Variants in ELP1 observed in about 807,000 individuals in gnomAD.
The protein encoded by ELP1 is elongator complex protein 1.
ELP1 carries 131 observed loss-of-function variants against 183.2 expected under a neutral mutation model. That is an observed-to-expected ratio of 0.72 (90% confidence interval 0.62 to 0.83). ELP1 has a LOEUF of 0.83. ELP1 is among the 40% of genes least tolerant of loss of function. ELP1 has a pLI of 0.00. For missense variants in ELP1, 1,550 were observed against 1,594.9 expected (o/e 0.97, Z 0.48); for synonymous variants, 555 against 569.0 (o/e 0.98, Z 0.35).
chr9:108,894,039 T>A lies in ELP1; in HGVS notation c.2764A>T (p.Asn922Tyr). Residue 922 changes from asparagine (N) to tyrosine (Y), a missense_variant, in exon 26 of 37, where the codon AAT becomes TAT. Physicochemically the swap from Asn to Tyr is moderately radical, Grantham distance 143. Coordinates refer to ENST00000374647, the MANE Select transcript of ELP1 (RefSeq NM_003640.5). ...KDPKEYLPFL[N>Y]TLKKMETNYQ... is the part of the protein sequence containing the mutation. ...TTAGTTTCCATTTTCTTAAGTGTATTAAGAAATGGAAGATATTCTTTGGGA... is the reference window on the plus strand; with the variant it reads ...TTAGTTTCCATTTTCTTAAGTGTATAAAGAAATGGAAGATATTCTTTGGGA... 6.5e-7 allele frequency: 1 copy of A among 1,536,008 alleles called. No homozygotes were observed. The highest frequency in any genetic ancestry group is 9.0e-7 in the Non-Finnish European group (1 of 1,110,118).
At chr9:108,875,908 T>C (rs1827689414) in intron 35 of ELP1, among the ~76,000 whole-genome samples, 3 of 151,730 alleles carry the variant, frequency 2.0e-5, no homozygotes, top group African/African-American at 7.3e-5. Context: ...AAGAAAAAAA[T>C]AAAATAAAAT....
At position 108,893,950 on chromosome 9, in the gene ELP1, G is replaced by A. The variant is rs1828440943; in HGVS notation, c.2853C>T (p.Ser951=). 7 of 1,613,788 alleles carry A rather than the reference G, an allele frequency of 4.3e-6. No homozygotes were observed. Among genetic ancestry groups the A allele is most frequent in the Non-Finnish European group, 5.9e-6 (7 of 1,179,818 alleles). ...KRYEKAIGHL[S]KCGPEYFPEC... ...ACTAATCCCCACACTTACCACATTT[G>A]CTGAGGTGGCCAATGGCTTTTTCAT... The change falls in exon 26 of 37, where the codon AGC becomes AGT. Residue 951 remains serine, a synonymous_variant. Coordinates refer to ENST00000374647, the MANE Select transcript of ELP1 (RefSeq NM_003640.5).
At chr9:108,916,982 G>C (rs1564100425) in intron 9 of ELP1, among the ~76,000 whole-genome samples, 1 of 152,058 alleles carries the variant, frequency 6.6e-6, no homozygotes, top group South Asian at 2.1e-4. Context: ...TTATGCTTTT[G>C]TCAAAATAAA....
chr9:108,920,931 C>T (rs181534662), intron 6 of ELP1, among the ~76,000 whole-genome samples: 1 of 152,066 alleles, frequency 6.6e-6, no homozygotes, highest in Admixed American at 6.5e-5. Context: ...AAGTCTTACT[C>T]TAGCAGGTAC....
intron 24 of ELP1, 42 bp from the exon 25 acceptor site, chr9:108,896,686 G>C (rs767897765): frequency 1.3e-6 from 2 of 1,597,828 alleles, no homozygotes; most frequent in Non-Finnish European, 1.7e-6. Flanking sequence ...AATCATTTGG[G>C]GAAAAAATCC....
rs754334947 is a variant in ELP1 at position 108,906,519 on chromosome 9, A to C, written c.1461-34T>G. The C allele has an allele frequency of 7.6e-6, 12 of 1,584,414 alleles. No individual in the cohort carries two copies. In the East Asian group the frequency reaches 2.7e-4, roughly 35 times the overall value. ...AATATTGAAGAATATCCAAGACATG[A>C]ATAAAACTTAAAAACCACTGAGACG... On this transcript the variant is annotated intron_variant, in intron 13 of 36. Transcript: ENST00000374647.
intron 11 of ELP1, among the ~76,000 whole-genome samples, chr9:108,911,719 GACTACTTC>G (rs36224244): frequency 0.57 from 86,349 of 151,232 alleles, 24,861 homozygotes; most frequent in South Asian, 0.7. Flanking sequence ...TCATTAAGGT[GACTACTTC>G]ACTCTTCAGT....
intron 3 of ELP1, among the ~76,000 whole-genome samples, chr9:108,929,115 A>T (rs1482663627): frequency 6.6e-6 from 1 of 152,278 alleles, no homozygotes; most frequent in Non-Finnish European, 1.5e-5. Flanking sequence ...TACTATTAGT[A>T]ATACTCTAAC....
rs202165319 is a variant in ELP1, at chr9:108,879,557, T to C, written c.3461A>G (p.Asp1154Gly). The change falls in exon 33 of 37, where the codon GAT (aspartate) becomes GGT (glycine). Residue 1154 changes from aspartate (D) to glycine (G), a missense_variant and splice_region_variant. Asp to Gly is a moderately conservative substitution (Grantham distance 94). Transcript: ENST00000374647. ...CTCTTGCCCGTGGGGTACCTCATCA[T>C]CTAGAAAAGAAGAACCAGAAGCCGA... ...LKEQAQQAGLDDEVPHGQESD... is the reference protein window; with the variant it reads ...LKEQAQQAGLGDEVPHGQESD... The C allele has an allele frequency of 4.7e-5, 76 of 1,609,824 alleles. 1 individual carries two copies. The highest frequency in any genetic ancestry group is 6.0e-5 in the Non-Finnish European group (70 of 1,176,254).
At chr9:108,919,553 ATCC>A (rs1829569289) in intron 6 of ELP1, among the ~76,000 whole-genome samples, 2 of 152,050 alleles carry the variant, frequency 1.3e-5, no homozygotes, top group Non-Finnish European at 2.9e-5. Context: ...AACAAACAAA[ATCC>A]TCCTTTCGGC....
intron 8 of ELP1, among the ~76,000 whole-genome samples, chr9:108,918,362 C>CATGAACAAGTAGT (rs1829524927): frequency 6.6e-6 from 1 of 152,190 alleles, no homozygotes; most frequent in Admixed American, 6.5e-5. Context: ...AGCCTGCATG[C>CATGAACAAGTAGT]TCCTTGGCAA....
chr9:108,905,249 CA>C, intron 14 of ELP1, among the ~76,000 whole-genome samples: 1 of 152,266 alleles, frequency 6.6e-6, no homozygotes, highest in East Asian at 1.9e-4. Flanking sequence ...AATTTTGCAA[CA>C]ACGTTTCTCA....
chr9:108,901,380 A>T (rs1473770213), intron 18 of ELP1, 45 bp downstream of exon 18: 2 of 1,331,960 alleles, frequency 1.5e-6, no homozygotes, highest in Non-Finnish European at 1.1e-6. Flanking sequence ...ACTCCAAAAG[A>T]CATTGGAGAA....
At chr9:108,886,413 A>C (rs1461624895) in intron 29 of ELP1, among the ~76,000 whole-genome samples, 1 of 152,196 alleles carries the variant, frequency 6.6e-6, no homozygotes, top group Non-Finnish European at 1.5e-5. Context: ...CACAAACACA[A>C]AAATCCTCAA....
intron 14 of ELP1, among the ~76,000 whole-genome samples, chr9:108,904,970 GC>G (rs1275928531): frequency 6.6e-6 from 1 of 152,166 alleles, no homozygotes; most frequent in African/African-American, 2.4e-5. Context: ...ACTGCATCAA[GC>G]TTTTGCCTCT....
intron 3 of ELP1, 55 bp downstream of exon 3, chr9:108,929,714 A>C: frequency 1.9e-6 from 3 of 1,564,444 alleles, no homozygotes; most frequent in Non-Finnish European, 2.6e-6. Context: ...ACAAATAGCA[A>C]GTAACCTATT....
Position 108,878,142 on chromosome 9 carries a change from T to C in ELP1, c.3708A>G (p.Val1236=), listed in dbSNP as rs368761085. Residue 1236 remains valine (V), a synonymous_variant, in exon 35 of 37, where the codon GTA becomes GTG. Transcript: ENST00000374647. ...GAAAGAGTACCTTTAAAATATGGTA[T>C]ACTTCATCTAGAGAGAAGAAATTTG... ...VQNTENLKDE[V]YHILKVLFLF... 106 of 1,606,552 alleles carry C rather than the reference T, an allele frequency of 6.6e-5. No individual in the cohort carries two copies. In the Middle Eastern group the frequency reaches 1.2e-3, roughly 18 times the overall value.
chr9:108,927,496 T>C, intron 3 of ELP1, 43 bp from the exon 4 acceptor site: 1 of 1,494,890 alleles, frequency 6.7e-7, no homozygotes, highest in Non-Finnish European at 9.3e-7. Flanking sequence ...AACACTAGCA[T>C]CTCAGTAAAA....
At chr9:108,897,067 T>C (rs759551958) in intron 23 of ELP1, 29 bp from the exon 24 acceptor site, 24 of 1,613,286 alleles carry the variant, frequency 1.5e-5, no homozygotes, top group South Asian at 4.4e-5. Context: ...AACACCAGAA[T>C]GAGAAAGGTA....
Sources: allele counts gnomAD v4.1 joint callset (sites outside exome capture counted in the v4.1 genomes callset), GRCh38; gene constraint gnomAD v4.1.1; transcripts MANE v1.5; gene names NCBI Gene and HGNC (gene_info 2026-07-23, HGNC 2026-07-21).